EZR: variants seen among roughly 807,000 people sequenced by gnomAD.
The protein encoded by EZR is ezrin.
In EZR, 40 loss-of-function variants were observed where a neutral mutation model predicts 74.8. That is an observed-to-expected ratio of 0.53 (90% CI 0.42 to 0.70). The LOEUF (loss-of-function observed/expected upper bound fraction) is 0.70. Ranked by LOEUF, EZR falls within the 30% of genes least tolerant of loss-of-function variation. The probability of loss-of-function intolerance (pLI) is 0.00; values close to 1 mark genes in which losing one functional copy is unlikely to be tolerated. For missense variants in EZR, 678 were observed against 755.8 expected, an observed-to-expected ratio of 0.90 and a Z score of 1.21; for synonymous variants, 341 against 283.3, an observed-to-expected ratio of 1.20 and a Z score of -2.05.
chr6:158,769,256 A>G, intron 12 of EZR, 70 bp downstream of exon 12: 1 of 1,366,164 alleles, frequency 7.3e-7, no homozygotes, highest in Non-Finnish European at 1.0e-6. Flanking sequence ...CACCTGCAGA[A>G]GGGCCCCACC....
intron 2 of EZR, among the ~76,000 whole-genome samples, chr6:158,815,289 T>C (rs558175299): frequency 3.2e-4 from 48 of 152,328 alleles, no homozygotes; most frequent in African/African-American, 1.1e-3. Flanking sequence ...AGAAATGTCA[T>C]ATTCAAATAT....
chr6:158,811,243 G>A (rs1236019475), intron 2 of EZR, among the ~76,000 whole-genome samples: 1 of 152,200 alleles, frequency 6.6e-6, no homozygotes, highest in African/African-American at 2.4e-5. Context: ...TACTTGGGGA[G>A]TCTCAAGGTA....
At chr6:158,767,137 C>G (rs1405122241) in intron 13 of EZR, 59 bp from the exon 14 acceptor site, 1 of 1,599,754 alleles carries the variant, frequency 6.3e-7, no homozygotes, top group African/African-American at 1.3e-5. Context: ...CGGCCCGTCC[C>G]CTAGGAAAAC....
At position 158,776,468 on chromosome 6, in the gene EZR, G is replaced by A. The variant is rs761330026; in HGVS notation, c.735C>T (p.Ile245=). ...TTTTGTCATTGAAAGAGATGTTCCT[G>A]ATTTCACTCCAAGGAAAGCCAATCT... The part of the protein sequence containing the change: ...TPKIGFPWSE[I]RNISFNDKKF... Residue 245 remains isoleucine, a synonymous_variant, in exon 8 of 14, where the codon ATC becomes ATT. Coordinates refer to ENST00000367075, the MANE Select transcript of EZR (RefSeq NM_001111077.2). The A allele has an allele frequency of 2.5e-6, 4 of 1,613,570 alleles. No individual in the cohort carries two copies. The South Asian group carries it at 4.4e-5, about 18-fold the overall frequency.
chr6:158,809,158 T>C (rs1260170824), intron 2 of EZR, among the ~76,000 whole-genome samples: 1 of 151,950 alleles, frequency 6.6e-6, no homozygotes, highest in East Asian at 1.9e-4. Flanking sequence ...AAAGCACAAA[T>C]AAACAAGCAC....
rs757603987 is a variant in EZR at position 158,767,385 on chromosome 6, T to G, written c.1472A>C (p.Asp491Ala). 2.5e-6 allele frequency: 4 copies of G among 1,593,518 alleles called. No homozygotes were observed. Among genetic ancestry groups the G allele is most frequent in the Non-Finnish European group, 3.4e-6 (4 of 1,170,418 alleles). ...VSYHVQESLQ[D>A]EGAEPTGYSA... is the part of the protein sequence containing the mutation. ...GTAGCCCGTGGGCTCTGCGCCCTCA[T>G]CCTGCAAGCTCTCCTGGACATGGTA... The change falls in exon 13 of 14, where the codon GAT (aspartate) becomes GCT (alanine). Residue 491 changes from aspartate to alanine, a missense_variant. By Grantham distance (126) the Asp-to-Ala change is moderately radical. Transcript: ENST00000367075.
chr6:158,794,889 C>T (rs901589943), intron 2 of EZR, among the ~76,000 whole-genome samples: 4 of 152,096 alleles, frequency 2.6e-5, no homozygotes, highest in Admixed American at 6.6e-5. Flanking sequence ...ATGTGGTTGA[C>T]GGTACAGATG....
At chr6:158,781,983 T>A (rs1077201) in intron 7 of EZR, among the ~76,000 whole-genome samples, 19,503 of 152,122 alleles carry the variant, frequency 0.13, 1,343 homozygotes, top group African/African-American at 0.14. Context: ...TGGGCAAGAC[T>A]CCTGAGCTCA....
In EZR at chr6:158,771,236, G is replaced by A. The variant is rs373634140; in HGVS notation, c.959+8C>T. ...CAGGCCCCCCCCACTCTGGCCTCAC[G>A]CGCTCACCGCTCCAGCTGCTTCTGA... On this transcript the variant is annotated splice_region_variant and intron_variant, in intron 9 of 13. Transcript: ENST00000367075. 1.1e-4 allele frequency: 170 copies of A among 1,607,482 alleles called. No homozygotes were observed. The African/African-American group carries it at 1.8e-3, about 17-fold the overall frequency.
At chr6:158,785,233 G>A in intron 5 of EZR, 76 bp downstream of exon 5, 2 of 1,559,332 alleles carry the variant, frequency 1.3e-6, no homozygotes, top group South Asian at 2.3e-5. Flanking sequence ...TTTAAACTGT[G>A]CTTCTAAGGC....
intron 12 of EZR, 121 bp downstream of exon 12, chr6:158,769,205 G>A: frequency 1.4e-6 from 1 of 712,818 alleles, no homozygotes; most frequent in African/African-American, 1.7e-5. Context: ...AGCTTCCAGT[G>A]GGATGTGGCA....
Position 158,798,233 on chromosome 6 carries a change from A to G in EZR, c.13-8862T>C, listed in dbSNP as rs117465303. Reference sequence around the variant, plus strand: ...TTCTGTCTACCCATTCAGGTGATGGACATTTAACTTGCTCCTTGTTGCTTT... The same window carrying G: ...TTCTGTCTACCCATTCAGGTGATGGGCATTTAACTTGCTCCTTGTTGCTTT... On this transcript the variant is annotated intron_variant, in intron 2 of 13. Coordinates refer to ENST00000367075, the MANE Select transcript of EZR (RefSeq NM_001111077.2). Among the ~76,000 whole-genome samples, 1,307 of 141,940 alleles carry G rather than the reference A, an allele frequency of 9.2e-3. 11 individuals are homozygous for G. The highest frequency in any genetic ancestry group is 0.014 in the Non-Finnish European group (912 of 63,686). The allele number at this position is 141,940 out of a possible 152,430, so 93.1% of individuals were successfully genotyped here.
At chr6:158,807,309 C>T (rs548454922) in intron 2 of EZR, among the ~76,000 whole-genome samples, 73 of 90,132 alleles carry the variant, frequency 8.1e-4, no homozygotes, top group Admixed American at 1.6e-3. Context: ...ACAGAGACTC[C>T]GTCTCAAAAA....
intron 2 of EZR, among the ~76,000 whole-genome samples, chr6:158,810,978 A>G (rs930999877): frequency 1.3e-5 from 2 of 152,206 alleles, no homozygotes; most frequent in Admixed American, 1.3e-4. Flanking sequence ...TAAATTAGCT[A>G]TGAAATTCTC....
In EZR at chr6:158,792,927, T is replaced by TA. The variant is rs531065801; in HGVS notation, c.13-3557dup. 2.2e-4 allele frequency among the ~76,000 whole-genome samples: 34 copies of TA among 152,176 alleles called. No homozygotes were observed. In the East Asian group the frequency reaches 6.0e-3, roughly 27 times the overall value. ...GCAGCTCCAACACAATGCCAACTCT[T>TA]AGCTGGTCCGATCATTCCACAAAAT... On this transcript the variant is annotated intron_variant, in intron 2 of 13. Coordinates refer to ENST00000367075, the MANE Select transcript of EZR (RefSeq NM_001111077.2).
At chr6:158,802,801 A>T (rs1330607128) in intron 2 of EZR, among the ~76,000 whole-genome samples, 1 of 152,178 alleles carries the variant, frequency 6.6e-6, no homozygotes, top group Non-Finnish European at 1.5e-5. Context: ...AAGTGCTGGG[A>T]TTACAGGTGT....
intron 2 of EZR, among the ~76,000 whole-genome samples, chr6:158,794,777 C>A (rs1777033719): frequency 2.0e-5 from 3 of 151,974 alleles, no homozygotes. Flanking sequence ...CCCAGGCTTG[C>A]CAAAATATTA....
chr6:158,792,585 CGAG>C (rs1562499813), intron 2 of EZR, among the ~76,000 whole-genome samples: 1 of 151,720 alleles, frequency 6.6e-6, no homozygotes, highest in Non-Finnish European at 1.5e-5. Flanking sequence ...TTTGGGAGGC[CGAG>C]GAGGGCAGAT....
At chr6:158,808,289 A>G (rs1269987634) in intron 2 of EZR, among the ~76,000 whole-genome samples, 1 of 152,208 alleles carries the variant, frequency 6.6e-6, no homozygotes, top group Admixed American at 6.5e-5. Flanking sequence ...AATGCTGTGT[A>G]AACTGCATGC....
Sources: allele counts gnomAD v4.1 joint callset (sites outside exome capture counted in the v4.1 genomes callset), GRCh38; gene constraint gnomAD v4.1.1; transcripts MANE v1.5; gene names NCBI Gene and HGNC (gene_info 2026-07-23, HGNC 2026-07-21).